GPC6: variants seen among roughly 807,000 people sequenced by gnomAD.
The protein encoded by GPC6 is glypican-6.
A neutral mutation model predicts 55.2 loss-of-function variants in GPC6; 14 were observed. That is an observed-to-expected ratio of 0.25 (90% CI 0.17 to 0.40). GPC6 has a LOEUF of 0.40. Ranked by LOEUF, GPC6 falls within the 10% of genes least tolerant of loss-of-function variation. The pLI is 1.00. For synonymous variants in GPC6, 278 were observed against 259.6 expected, an observed-to-expected ratio of 1.07 and a Z score of -0.68; for missense variants, 641 against 708.5, an observed-to-expected ratio of 0.90 and a Z score of 1.08.
At chr13:93,602,792 A>G (rs567933171) in intron 2 of GPC6, among the ~76,000 whole-genome samples, 64 of 152,200 alleles carry the variant, frequency 4.2e-4, no homozygotes, top group Non-Finnish European at 7.9e-4. Context: ...CAAAGTCACA[A>G]AGAATAATTG....
chr13:93,614,244 A>G (rs1324457526), intron 2 of GPC6, among the ~76,000 whole-genome samples: 1 of 152,212 alleles, frequency 6.6e-6, no homozygotes, highest in Non-Finnish European at 1.5e-5. Flanking sequence ...AAACTAAATG[A>G]CAATACGCTA....
At chr13:94,081,711 A>G (rs978675633) in intron 4 of GPC6, among the ~76,000 whole-genome samples, 3 of 152,174 alleles carry the variant, frequency 2.0e-5, no homozygotes, top group East Asian at 1.9e-4. Flanking sequence ...GCAAAGCCCA[A>G]TTATATATAT....
chr13:93,373,114 A>T (rs1359200), intron 1 of GPC6, among the ~76,000 whole-genome samples: 1 of 151,932 alleles, frequency 6.6e-6, no homozygotes, highest in Non-Finnish European at 1.5e-5. Flanking sequence ...CCTATCAAAC[A>T]ATCGTATTCA....
chr13:93,953,216 C>T (rs567191804), intron 3 of GPC6, among the ~76,000 whole-genome samples: 1 of 152,144 alleles, frequency 6.6e-6, no homozygotes, highest in African/African-American at 2.4e-5. Context: ...AACCCATCTA[C>T]CACTGTGATT....
rs570184275 is a variant in GPC6, at chr13:93,892,172, G to A, written c.711+61627G>A. On this transcript the variant is annotated intron_variant, in intron 3 of 8. Transcript: ENST00000377047. ...TGTGTGTATGTATATTGTGTGTGTG[G>A]GACAGATATACTAAGCCATCCCTAT... 1.3e-4 allele frequency among the ~76,000 whole-genome samples: 19 copies of A among 151,988 alleles called. No homozygotes were observed. In the South Asian group the frequency reaches 3.9e-3, roughly 32 times the overall value.
chr13:93,709,263 G>C (rs1245404650), intron 2 of GPC6, among the ~76,000 whole-genome samples: 1 of 151,688 alleles, frequency 6.6e-6, no homozygotes, highest in African/African-American at 2.4e-5. Context: ...TTAAAATACT[G>C]TTCACATCTT....
chr13:94,342,572 G>T (rs1346486603), intron 6 of GPC6, among the ~76,000 whole-genome samples: 1 of 152,176 alleles, frequency 6.6e-6, no homozygotes, highest in Non-Finnish European at 1.5e-5. Flanking sequence ...CAGACTCCGG[G>T]CATCCAGAAG....
At chr13:93,557,212 T>C (rs866306068) in intron 2 of GPC6, among the ~76,000 whole-genome samples, 7 of 152,204 alleles carry the variant, frequency 4.6e-5, no homozygotes, top group African/African-American at 1.7e-4. Flanking sequence ...ATACAGTCTC[T>C]GTGAGCATGA....
rs10467243 is a variant in GPC6, at chr13:93,596,434, G to A, written c.319+51013G>A. The stretch of plus-strand genomic sequence containing the variant: ...GATTCCATAGTATCAGCTAGTATTT[G>A]GGTTGGTATCATACAGGAGATACAC... On this transcript the variant is annotated intron_variant, in intron 2 of 8. Coordinates refer to ENST00000377047, the MANE Select transcript of GPC6 (RefSeq NM_005708.5). Among the ~76,000 whole-genome samples the A allele has an allele frequency of 9.9e-3, 1,502 of 151,938 alleles. 13 individuals are homozygous for A. Among genetic ancestry groups the A allele is most frequent in the African/African-American group, 0.035 (1,448 of 41,444 alleles).
At chr13:93,833,875 A>G (rs141319480) in intron 3 of GPC6, among the ~76,000 whole-genome samples, 322 of 152,238 alleles carry the variant, frequency 2.1e-3, no homozygotes, top group African/African-American at 7.1e-3. Context: ...TTAAGTAACT[A>G]TAACTCTAGG....
At chr13:93,417,861 AAAAT>A (rs987304666) in intron 1 of GPC6, among the ~76,000 whole-genome samples, 17 of 152,098 alleles carry the variant, frequency 1.1e-4, no homozygotes, top group African/African-American at 4.1e-4. Context: ...TAAAAAATAA[AAAAT>A]AAACCTTTCC....
At chr13:94,008,373 T>C (rs2140430907) in intron 3 of GPC6, among the ~76,000 whole-genome samples, 1 of 152,304 alleles carries the variant, frequency 6.6e-6, no homozygotes, top group East Asian at 1.9e-4. Flanking sequence ...CTAAAATTTT[T>C]ATCATAAGTT....
intron 2 of GPC6, among the ~76,000 whole-genome samples, chr13:93,605,967 A>G (rs1878222552): frequency 1.3e-5 from 2 of 152,096 alleles, no homozygotes; most frequent in African/African-American, 4.8e-5. Context: ...AAGGATAATC[A>G]TAGGGTTAAG....
At chr13:93,661,252 C>T (rs900084217) in intron 2 of GPC6, among the ~76,000 whole-genome samples, 1 of 151,958 alleles carries the variant, frequency 6.6e-6, no homozygotes, top group Non-Finnish European at 1.5e-5. Flanking sequence ...CTCACTCTGT[C>T]ACCCAGGCTG....
At chr13:93,287,998 T>G (rs1878193325) in intron 1 of GPC6, among the ~76,000 whole-genome samples, 1 of 152,214 alleles carries the variant, frequency 6.6e-6, no homozygotes. Flanking sequence ...TGTTAAACTG[T>G]TTTTAAGCTT....
chr13:93,337,625 TA>T (rs2139145266), intron 1 of GPC6, among the ~76,000 whole-genome samples: 1 of 152,342 alleles, frequency 6.6e-6, no homozygotes, highest in East Asian at 1.9e-4. Flanking sequence ...TATATGCTCT[TA>T]ACTAAAACTA....
At chr13:93,716,072 A>G (rs1433899916) in intron 2 of GPC6, among the ~76,000 whole-genome samples, 6 of 151,574 alleles carry the variant, frequency 4.0e-5, no homozygotes, top group African/African-American at 1.2e-4. Flanking sequence ...AACACAGTGC[A>G]TTACTCATGT....
intron 2 of GPC6, among the ~76,000 whole-genome samples, chr13:93,808,313 C>T (rs1235169696): frequency 6.6e-6 from 1 of 152,142 alleles, no homozygotes; most frequent in Non-Finnish European, 1.5e-5. Context: ...GTAAAGATCA[C>T]ACATGCTCTT....
intron 4 of GPC6, among the ~76,000 whole-genome samples, chr13:94,083,687 C>T (rs1054114600): frequency 6.6e-6 from 1 of 152,112 alleles, no homozygotes; most frequent in Non-Finnish European, 1.5e-5. Flanking sequence ...AGTTCAAGCA[C>T]ATAAGTGTAG....
Sources: gnomAD v4.1 joint callset for allele counts (sites outside exome capture counted in the v4.1 genomes callset) on GRCh38, gnomAD v4.1.1 for gene constraint, MANE v1.5 for transcripts, NCBI Gene and HGNC (gene_info 2026-07-23, HGNC 2026-07-21) for gene names.